MAP4: variants seen among roughly 807,000 people sequenced by gnomAD.
MAP4 encodes microtubule associated protein 4.
A neutral mutation model predicts 170.2 loss-of-function variants in MAP4; 76 were observed. The ratio of observed to expected loss-of-function variants is 0.45; its 90% confidence interval spans 0.37 to 0.54. The LOEUF (loss-of-function observed/expected upper bound fraction) is 0.54, where lower values mean the gene tolerates loss of function less well. MAP4 is among the 20% of genes least tolerant of loss of function. The pLI, the probability that MAP4 is intolerant of heterozygous loss-of-function variation, is 0.00. For synonymous variants in MAP4, 909 were observed against 994.5 expected (o/e 0.91, Z 1.62); for missense variants, 2,506 against 2,748.0 (o/e 0.91, Z 1.97).
chr3:48,037,092 T>C (rs1329071674), intron 1 of MAP4, among the ~76,000 whole-genome samples: 2 of 152,102 alleles, frequency 1.3e-5, no homozygotes, highest in African/African-American at 4.8e-5. Context: ...AATACTAGCA[T>C]CAACATGAAA....
chr3:47,855,318 T>C lies in MAP4; in HGVS notation c.6626A>G (p.Lys2209Arg). 2.5e-6 allele frequency: 4 copies of C among 1,614,094 alleles called. No homozygotes were observed. In the South Asian group the frequency reaches 3.3e-5, roughly 13 times the overall value. Residue 2209 changes from lysine (K) to arginine (R), a missense_variant, in exon 19 of 21, where the codon AAG becomes AGG. Lys to Arg is a conservative substitution (Grantham distance 26, BLOSUM62 2). This residue lies in a region of MAP4 where 487 missense variants were observed against 511.6 expected (regional missense o/e 0.95). Coordinates refer to ENST00000683076, the MANE Select transcript of MAP4 (RefSeq NM_001385682.1). The surrounding 1 kb of genome is among the most constrained non-coding windows in gnomAD (Gnocchi z 5.1). The part of the protein sequence containing the change: ...VKIESQKLNF[K>R]EKAQAKVGSL... Reference sequence around the variant, plus strand: ...TCCCACCTTGGCCTGGGCCTTCTCCTTGAAGTTCAACTTCTGACTTTCAAT... The same window carrying C: ...TCCCACCTTGGCCTGGGCCTTCTCCCTGAAGTTCAACTTCTGACTTTCAAT...
intron 4 of MAP4, among the ~76,000 whole-genome samples, chr3:47,922,981 C>G (rs563623396): frequency 3.5e-4 from 53 of 151,676 alleles, no homozygotes; most frequent in African/African-American, 1.1e-3. Flanking sequence ...ACACGGGAGG[C>G]AGAGGTGGCA....
Position 48,059,388 on chromosome 3 carries a change from G to A in MAP4, c.-20+29385C>T, listed in dbSNP as rs565495259. Among the ~76,000 whole-genome samples, 14 of 151,090 alleles carry A rather than the reference G, an allele frequency of 9.3e-5. No individual in the cohort carries two copies. The South Asian group carries it at 1.3e-3, about 14-fold the overall frequency. ...AAATTAGCCAGGCATGGTGGCGTGC[G>A]CCTGTAGTCCCAGCTACCTGGGAGG... On this transcript the variant is annotated intron_variant, in intron 1 of 18. Coordinates refer to the MAP4 transcript ENST00000360240.
In MAP4 at chr3:48,015,157, C is replaced by T. The variant is rs1401125309; in HGVS notation, c.-20+1177G>A. Among the ~76,000 whole-genome samples, 3 of 151,858 alleles carry T rather than the reference C, an allele frequency of 2.0e-5. No homozygotes were observed. The East Asian group carries it at 5.8e-4, about 29-fold the overall frequency. On this transcript the variant is annotated intron_variant, in intron 1 of 20. Coordinates refer to ENST00000683076, the MANE Select transcript of MAP4 (RefSeq NM_001385682.1). The stretch of plus-strand genomic sequence containing the variant: ...CTCAGTGACCTAGGCTACTTTGAGG[C>T]AAATCATTTTGAGTTCCAAACAACC...
chr3:48,072,901 C>CT (rs1444459557), intron 1 of MAP4, among the ~76,000 whole-genome samples: 1 of 152,172 alleles, frequency 6.6e-6, no homozygotes, highest in African/African-American at 2.4e-5. Context: ...AGTATGGTCT[C>CT]TGACTTCAAG....
At chr3:48,073,949 A>G (rs2100142331) in intron 1 of MAP4, among the ~76,000 whole-genome samples, 1 of 152,156 alleles carries the variant, frequency 6.6e-6, no homozygotes, top group Non-Finnish European at 1.5e-5. Context: ...CAGCGATCCC[A>G]TTACTGGGCA....
At chr3:47,930,152 A>G (rs949467250) in intron 3 of MAP4, among the ~76,000 whole-genome samples, 5 of 151,604 alleles carry the variant, frequency 3.3e-5, no homozygotes, top group Non-Finnish European at 5.9e-5. Context: ...CCAAACAAAA[A>G]AACAAAAGAC....
chr3:47,928,796 T>A (rs2100047652), intron 3 of MAP4, among the ~76,000 whole-genome samples: 2 of 146,206 alleles, frequency 1.4e-5, no homozygotes, highest in Admixed American at 6.9e-5. Context: ...GATAAAACTG[T>A]CAAAAGCAAC....
upstream of MAP4, among the ~76,000 whole-genome samples, chr3:48,017,232 C>G (rs983752340): frequency 6.6e-6 from 1 of 152,170 alleles, no homozygotes; most frequent in Non-Finnish European, 1.5e-5. Context: ...AAAACAGAAG[C>G]AGAGCGTGAC....
At chr3:47,972,881 G>A (rs1324578321) in intron 3 of MAP4, among the ~76,000 whole-genome samples, 4 of 149,164 alleles carry the variant, frequency 2.7e-5, no homozygotes, top group East Asian at 2.0e-4. Flanking sequence ...GCGAGACTCC[G>A]TCTCAAAAAA....
intron 1 of MAP4, among the ~76,000 whole-genome samples, chr3:48,044,213 GGC>G (rs2100123155): frequency 6.6e-6 from 1 of 151,000 alleles, no homozygotes; most frequent in Non-Finnish European, 1.5e-5. Context: ...GGAGTGCAGT[GGC>G]GCAATCTCGG....
At position 47,870,915 on chromosome 3, in the gene MAP4, C is replaced by T. The variant is rs1466932002; in HGVS notation, c.6192G>A (p.Arg2064=). 1 of 1,613,896 alleles carries T rather than the reference C, an allele frequency of 6.2e-7. No individual in the cohort carries two copies. The highest frequency in any genetic ancestry group is 1.1e-5 in the South Asian group (1 of 91,034). ...AAGTATTGGTGGCCAGGCGGCTGAG[C>T]CGGGGGGTGGTGGAGCTGGGTTTGG... ...TSAKPSSTTP[R]LSRLATNTSA... The change falls in exon 15 of 21, where the codon CGG becomes CGA. Residue 2064 remains arginine, a synonymous_variant. Transcript: ENST00000683076.
chr3:48,032,385 C>G (rs1239113729), intron 1 of MAP4, among the ~76,000 whole-genome samples: 1 of 151,528 alleles, frequency 6.6e-6, no homozygotes, highest in Non-Finnish European at 1.5e-5. Context: ...GCCTGTAATC[C>G]CAGCTACTAG....
rs562480170 is a variant in MAP4 at position 47,982,159 on chromosome 3, G to A, written c.224-4226C>T. Among the ~76,000 whole-genome samples the A allele has an allele frequency of 7.9e-5, 12 of 152,002 alleles. No individual in the cohort carries two copies. In the South Asian group the frequency reaches 2.5e-3, roughly 32 times the overall value. On this transcript the variant is annotated intron_variant, in intron 2 of 20. Coordinates refer to ENST00000683076, the MANE Select transcript of MAP4 (RefSeq NM_001385682.1). ...ACAAATAGGATTAAGTGAAAATGAAGGGAGATTTAAAAAAAACATAATACA... is the reference window on the plus strand; with the variant it reads ...ACAAATAGGATTAAGTGAAAATGAAAGGAGATTTAAAAAAAACATAATACA...
chr3:47,973,868 T>C (rs1423356279), intron 3 of MAP4: 80 of 985,260 alleles, frequency 8.1e-5, no homozygotes, highest in Non-Finnish European at 9.5e-5. Flanking sequence ...GTGTATTCTC[T>C]ATGGCAAGAG....
At chr3:48,019,633 C>A (rs1431651505), upstream of MAP4, among the ~76,000 whole-genome samples, 2 of 152,046 alleles carry the variant, frequency 1.3e-5, no homozygotes, top group African/African-American at 2.4e-5. Flanking sequence ...GCCTATAATC[C>A]CAACATTCTG....
At position 47,977,832 on chromosome 3, in the gene MAP4, C is replaced by CTACA. The variant is rs768156537; in HGVS notation, c.292+29_292+32dup. 7 of 1,448,518 alleles carry CTACA rather than the reference C, an allele frequency of 4.8e-6. No homozygotes were observed. The African/African-American group carries it at 9.8e-5, about 20-fold the overall frequency. The allele number at this position is 1,448,518 out of a possible 1,614,324, so 89.7% of individuals were successfully genotyped here. A position where few individuals can be genotyped will look rare whatever the true frequency, so the allele number is the denominator to read the frequency against. ...AAGGTGTTCATTGTAAGTGCATCAC[C>CTACA]TACACATTTGGGGAATCCTGGGAAT... On this transcript the variant is annotated intron_variant, in intron 3 of 20. Coordinates refer to ENST00000683076, the MANE Select transcript of MAP4 (RefSeq NM_001385682.1).
chr3:47,941,041 C>T (rs1004335762), intron 3 of MAP4, among the ~76,000 whole-genome samples: 4 of 151,696 alleles, frequency 2.6e-5, no homozygotes, highest in African/African-American at 9.7e-5. Context: ...CCACACTTGG[C>T]TAATTTTTTG....
chr3:48,041,394 A>T (rs1256645084), intron 1 of MAP4, among the ~76,000 whole-genome samples: 1 of 152,166 alleles, frequency 6.6e-6, no homozygotes, highest in Non-Finnish European at 1.5e-5. Context: ...TAACAGGCAT[A>T]AGCCACCGTG....
Sources: allele counts gnomAD v4.1 joint callset (sites outside exome capture counted in the v4.1 genomes callset), GRCh38; gene constraint gnomAD v4.1.1; regional missense constraint gnomAD v4.1.1; non-coding constraint Gnocchi (gnomAD v3.1); transcripts MANE v1.5; gene names NCBI Gene and HGNC (gene_info 2026-07-23, HGNC 2026-07-21).